Variants in MDN1 observed in about 807,000 individuals in gnomAD.
The protein encoded by MDN1 is midasin AAA ATPase 1, also known as midasin.
MDN1 carries 266 observed loss-of-function variants against 669.2 expected under a neutral mutation model. That is an observed-to-expected ratio of 0.40 (90% CI 0.36 to 0.44). The LOEUF (loss-of-function observed/expected upper bound fraction) is 0.44, where lower values mean the gene tolerates loss of function less well. Among genes scored for constraint, MDN1 ranks in the 20% least tolerant of loss-of-function variants. The pLI is 1.00. For synonymous variants in MDN1, 2,385 were observed against 2,457.1 expected (o/e 0.97, Z 0.87); for missense variants, 5,940 against 6,754.0 (o/e 0.88, Z 4.22).
intron 75 of MDN1, among the ~76,000 whole-genome samples, 170 bp downstream of exon 75, chr6:89,678,429 A>G (rs1250592541): frequency 1.3e-5 from 2 of 152,218 alleles, no homozygotes; most frequent in East Asian, 3.8e-4. Context: ...GGCTGGTCAT[A>G]GGATTTTCCT....
chr6:89,709,161 G>A (rs1813715693), intron 50 of MDN1, among the ~76,000 whole-genome samples: 1 of 152,144 alleles, frequency 6.6e-6, no homozygotes, highest in African/African-American at 2.4e-5. Flanking sequence ...GAAGCAGCAG[G>A]AGGAGACTGA....
chr6:89,798,312 G>C (rs1402837504), intron 2 of MDN1, among the ~76,000 whole-genome samples: 1 of 151,662 alleles, frequency 6.6e-6, no homozygotes, highest in Non-Finnish European at 1.5e-5. Context: ...TTGGGAGTTC[G>C]AGACCAGCCT....
chr6:89,679,081 T>A (rs1328044989), intron 74 of MDN1, among the ~76,000 whole-genome samples: 1 of 152,246 alleles, frequency 6.6e-6, no homozygotes, highest in Non-Finnish European at 1.5e-5. Context: ...CTATGTGCAG[T>A]GCATTATACT....
At chr6:89,803,639 T>G in intron 1 of MDN1, 85 bp from the exon 2 acceptor site, 1 of 980,286 alleles carries the variant, frequency 1.0e-6, no homozygotes, top group Non-Finnish European at 1.5e-6. Context: ...GCAAGTGCAG[T>G]GGTGCAATCT....
intron 12 of MDN1, among the ~76,000 whole-genome samples, chr6:89,775,762 T>C (rs943745218): frequency 2.6e-5 from 4 of 152,174 alleles, no homozygotes; most frequent in African/African-American, 9.6e-5. Flanking sequence ...CTTGGCTCAC[T>C]GCAACCTCTG....
In MDN1 at chr6:89,754,117, T is replaced by A; in HGVS notation, c.2930A>T (p.Asn977Ile). 6.2e-7 allele frequency: 1 copy of A among 1,614,006 alleles called. No individual in the cohort carries two copies. Among genetic ancestry groups the A allele is most frequent in the Non-Finnish European group, 8.5e-7 (1 of 1,179,978 alleles). The change falls in exon 21 of 102, where the codon AAT (asparagine) becomes ATT (isoleucine). Residue 977 changes from asparagine to isoleucine, a missense_variant. Physicochemically the swap from Asn to Ile is moderately radical, Grantham distance 149. This residue lies in a region of MDN1 where 1,203 missense variants were observed against 1,268.9 expected (regional missense o/e 0.95). Coordinates refer to ENST00000369393, the MANE Select transcript of MDN1 (RefSeq NM_014611.3). ...TGAGCGCTGAATGTTGCCACATGGATTGGAGGCTGCAAATCGCAGGGCCCG... is the reference window on the plus strand; with the variant it reads ...TGAGCGCTGAATGTTGCCACATGGAATGGAGGCTGCAAATCGCAGGGCCCG... ...LCRALRFAAS[N>I]PCGNIQRSLY...
intron 67 of MDN1, 74 bp from the exon 68 acceptor site, chr6:89,687,512 T>TGAG: frequency 7.4e-7 from 1 of 1,357,050 alleles, no homozygotes; most frequent in Non-Finnish European, 1.0e-6. Flanking sequence ...AAGAACATCT[T>TGAG]GAACTTTGCT....
At chr6:89,767,067 T>C (rs866458610) in intron 15 of MDN1, among the ~76,000 whole-genome samples, 28 of 152,294 alleles carry the variant, frequency 1.8e-4, no homozygotes, top group African/African-American at 6.0e-4. Flanking sequence ...TGCCCTTTAG[T>C]GCTAGACTTT....
At position 89,689,865 on chromosome 6, in the gene MDN1, C is replaced by T. The variant is rs775198158; in HGVS notation, c.11023+5G>A. ...CAGGGGCATAACAAAAGTAAACTACCATACCCATCAGGGGGTAGAAGTGTG... is the reference window on the plus strand; with the variant it reads ...CAGGGGCATAACAAAAGTAAACTACTATACCCATCAGGGGGTAGAAGTGTG... On this transcript the variant is annotated splice_donor_5th_base_variant and intron_variant, in intron 65 of 101. Transcript: ENST00000369393. 6.2e-7 allele frequency: 1 copy of T among 1,613,106 alleles called. No homozygotes were observed. Among genetic ancestry groups the T allele is most frequent in the Non-Finnish European group, 8.5e-7 (1 of 1,179,626 alleles).
At chr6:89,800,916 A>T (rs549635541) in intron 2 of MDN1, among the ~76,000 whole-genome samples, 74 of 152,348 alleles carry the variant, frequency 4.9e-4, no homozygotes, top group African/African-American at 1.8e-3. Flanking sequence ...TGATAGATAT[A>T]GGTAAAAAGT....
rs768290498 is a variant in MDN1 at position 89,688,172 on chromosome 6, A to T, written c.11261T>A (p.Leu3754His). The change falls in exon 67 of 102, where the codon CTC becomes CAC. Residue 3754 changes from leucine (L) to histidine (H), a missense_variant and splice_region_variant. Around this residue, in one of 5 missense-constraint regions of MDN1, gnomAD observed 2,280 missense variants for 2,576.3 expected, o/e 0.88. Coordinates refer to ENST00000369393, the MANE Select transcript of MDN1 (RefSeq NM_014611.3). Reference protein sequence around the residue: ...DWPEHPALEQLLVVMDRIRSF... With the variant: ...DWPEHPALEQHLVVMDRIRSF... ...ACGAATTCTGTCCATTACAACCAGG[A>T]GCTGCAGAAATAAAGATTTGGGTAT... 6.2e-7 allele frequency: 1 copy of T among 1,613,518 alleles called. No homozygotes were observed. Among genetic ancestry groups the T allele is most frequent in the Admixed American group, 1.7e-5 (1 of 60,010 alleles).
chr6:89,817,747 T>C (rs986117075), intron 1 of MDN1, among the ~76,000 whole-genome samples: 2 of 152,204 alleles, frequency 1.3e-5, no homozygotes, highest in Non-Finnish European at 2.9e-5. Context: ...AGTTTAGTGT[T>C]GCTGAAATAG....
At chr6:89,777,909 T>G (rs1410900890) in intron 11 of MDN1, among the ~76,000 whole-genome samples, 7 of 152,164 alleles carry the variant, frequency 4.6e-5, no homozygotes, top group Non-Finnish European at 8.8e-5. Context: ...GGAGATTGAT[T>G]TGAGTAACAA....
chr6:89,659,622 A>G (rs1160005422), intron 88 of MDN1, among the ~76,000 whole-genome samples: 1 of 152,204 alleles, frequency 6.6e-6, no homozygotes, highest in African/African-American at 2.4e-5. Flanking sequence ...AAAAAATAAT[A>G]GCTAATCCAC....
At position 89,743,511 on chromosome 6, in the gene MDN1, CACT is replaced by C; in HGVS notation, c.4317+62_4317+64del. 5 of 1,551,750 alleles carry C rather than the reference CACT, an allele frequency of 3.2e-6. No individual in the cohort carries two copies. In the South Asian group the frequency reaches 4.8e-5, roughly 15 times the overall value. On this transcript the variant is annotated intron_variant, in intron 30 of 101. Coordinates refer to ENST00000369393, the MANE Select transcript of MDN1 (RefSeq NM_014611.3). ...CAGAACCCAGCTCCAGAAACCCCAC[CACT>C]AACTCATGCACAGCTAACTGCAGTT... is the stretch of plus-strand genomic sequence containing the variant.
intron 83 of MDN1, among the ~76,000 whole-genome samples, chr6:89,670,436 C>T (rs1038023551): frequency 2.0e-5 from 3 of 151,730 alleles, no homozygotes; most frequent in Non-Finnish European, 4.4e-5. Context: ...CCTCAGCCTC[C>T]CAAACTGCTG....
chr6:89,790,016 G>C, intron 6 of MDN1, 105 bp from the exon 7 acceptor site: 3 of 1,577,866 alleles, frequency 1.9e-6, no homozygotes, highest in Non-Finnish European at 2.6e-6. Context: ...TAAGTAAGTA[G>C]GCACTTGAGG....
chr6:89,733,734 T>C (rs144113575), intron 33 of MDN1, among the ~76,000 whole-genome samples: 24 of 72,082 alleles, frequency 3.3e-4, no homozygotes, highest in East Asian at 1.5e-3. Context: ...AACAACTAGA[T>C]AGTAAATACT....
In MDN1 at chr6:89,732,553, A is replaced by T; in HGVS notation, c.4942+4T>A. On this transcript the variant is annotated splice_donor_region_variant and intron_variant, in intron 34 of 101. Coordinates refer to ENST00000369393, the MANE Select transcript of MDN1 (RefSeq NM_014611.3). ...TTGTCCCCACCAGCTACCAGACAAC[A>T]TACCTGAACCTATTCCATCTATGTA... 1 of 1,613,902 alleles carries T rather than the reference A, an allele frequency of 6.2e-7. No individual in the cohort carries two copies. Among genetic ancestry groups the T allele is most frequent in the Non-Finnish European group, 8.5e-7 (1 of 1,179,776 alleles).
Sources: gnomAD v4.1 joint callset for allele counts (sites outside exome capture counted in the v4.1 genomes callset) on GRCh38, gnomAD v4.1.1 for gene constraint, gnomAD v4.1.1 regional missense constraint, MANE v1.5 for transcripts, NCBI Gene and HGNC (gene_info 2026-07-23, HGNC 2026-07-21) for gene names.